ARHGAP20: variants seen among roughly 807,000 people sequenced by gnomAD.
ARHGAP20 encodes the protein rho GTPase-activating protein 20.
In ARHGAP20, 34 loss-of-function variants were observed where a neutral mutation model predicts 73.7. The observed-to-expected ratio is 0.46, with a 90% confidence interval of 0.35 to 0.61. ARHGAP20 has a LOEUF of 0.61. ARHGAP20 is among the 20% of genes least tolerant of loss of function. The pLI is 0.00. For synonymous variants in ARHGAP20, 523 were observed against 518.2 expected (o/e 1.01, Z -0.13); for missense variants, 1,314 against 1,420.9 (o/e 0.92, Z 1.21).
rs760671545 is a variant in ARHGAP20, at chr11:110,579,500, C to A, written c.3446G>T (p.Ser1149Ile). Residue 1149 changes from serine to isoleucine, a missense_variant, in exon 15 of 15, where the codon AGC (serine) becomes ATC (isoleucine). Ser to Ile is a moderately radical substitution (Grantham distance 142). Around this residue, in one of 3 missense-constraint regions of ARHGAP20, gnomAD observed 641 missense variants for 636.9 expected, o/e 1.01. Transcript: ENST00000683387. The stretch of plus-strand genomic sequence containing the variant: ...TTCCCAAGGCAGAGAACCAGAAGAG[C>A]TCTGACTACCAGGCTCTATTTCCTC... The part of the protein sequence containing the change: ...SHEEIEPGSQ[S>I]SSGSLPWERA... The A allele has an allele frequency of 6.2e-7, 1 of 1,614,052 alleles. No homozygotes were observed. Among genetic ancestry groups the A allele is most frequent in the Non-Finnish European group, 8.5e-7 (1 of 1,180,048 alleles).
intron 6 of ARHGAP20, among the ~76,000 whole-genome samples, chr11:110,611,858 A>G (rs1948374399): frequency 6.6e-6 from 1 of 152,188 alleles, no homozygotes; most frequent in African/African-American, 2.4e-5. Flanking sequence ...GGTTAGGTAA[A>G]ATCAGGATAA....
At chr11:110,674,263 C>T (rs889696749) in intron 2 of ARHGAP20, among the ~76,000 whole-genome samples, 1 of 152,164 alleles carries the variant, frequency 6.6e-6, no homozygotes, top group Non-Finnish European at 1.5e-5. Context: ...GATTAAATAT[C>T]TTTATTTGTA....
intron 2 of ARHGAP20, among the ~76,000 whole-genome samples, chr11:110,648,203 A>ATATGTAAATATATATATG (rs1565457391): frequency 3.4e-5 from 3 of 88,612 alleles, no homozygotes; most frequent in African/African-American, 1.9e-4. Context: ...ATATATATAT[A>ATATGTAAATATATATATG]TATGTAAATA....
In ARHGAP20 at chr11:110,579,436, G is replaced by A; in HGVS notation, c.3510C>T (p.Thr1170=). The A allele has an allele frequency of 6.2e-7, 1 of 1,613,918 alleles. No homozygotes were observed. The highest frequency in any genetic ancestry group is 1.3e-5 in the African/African-American group (1 of 75,000). Residue 1170 remains threonine (T), a synonymous_variant, in exon 15 of 15, where the codon ACC becomes ACT. Coordinates refer to ENST00000683387, the MANE Select transcript of ARHGAP20 (RefSeq NM_001384657.1). ...CCACTGTAGGCCCTGAGTCTGGGCT[G>A]GTCGCATCCTCTAGAGTCCAAGAGC... ...SASSWTLEDA[T]SPDSGPTVVC... is the part of the protein sequence containing the mutation.
chr11:110,707,726 G>GT (rs754951840), intron 1 of ARHGAP20, among the ~76,000 whole-genome samples: 2 of 152,056 alleles, frequency 1.3e-5, no homozygotes, highest in Non-Finnish European at 2.9e-5. Flanking sequence ...TAAGCCATAA[G>GT]AGAGTTAAGG....
At chr11:110,600,509 C>T (rs1351863602) in intron 9 of ARHGAP20, among the ~76,000 whole-genome samples, 3 of 152,216 alleles carry the variant, frequency 2.0e-5, no homozygotes, top group Non-Finnish European at 2.9e-5. Context: ...ACACACCCCT[C>T]GCCACTCCAC....
chr11:110,635,386 C>T (rs1285625610), intron 2 of ARHGAP20, among the ~76,000 whole-genome samples: 1 of 152,112 alleles, frequency 6.6e-6, no homozygotes, highest in Non-Finnish European at 1.5e-5. Context: ...TCAGGTGATT[C>T]TAATGCACAT....
At chr11:110,595,196 G>A (rs1228749795) in intron 9 of ARHGAP20, among the ~76,000 whole-genome samples, 2 of 151,930 alleles carry the variant, frequency 1.3e-5, no homozygotes, top group Non-Finnish European at 2.9e-5. Context: ...CATACTGAAT[G>A]GGCAAAAACT....
At chr11:110,642,400 T>C (rs935817448) in intron 2 of ARHGAP20, among the ~76,000 whole-genome samples, 1 of 152,158 alleles carries the variant, frequency 6.6e-6, no homozygotes, top group Non-Finnish European at 1.5e-5. Context: ...CTTTTGTGCA[T>C]TCAGTATGAT....
chr11:110,612,167 C>G (rs1487374275), intron 6 of ARHGAP20, among the ~76,000 whole-genome samples: 3 of 151,930 alleles, frequency 2.0e-5, no homozygotes. Flanking sequence ...GCCTGTAATC[C>G]TAGCACTTTG....
At chr11:110,588,634 G>A (rs1947736532) in intron 11 of ARHGAP20, among the ~76,000 whole-genome samples, 1 of 151,930 alleles carries the variant, frequency 6.6e-6, no homozygotes, top group African/African-American at 2.4e-5. Flanking sequence ...TTTGCCTTTT[G>A]GTTATTTTTG....
At chr11:110,633,896 T>C (rs1948909392) in intron 2 of ARHGAP20, among the ~76,000 whole-genome samples, 1 of 152,126 alleles carries the variant, frequency 6.6e-6, no homozygotes, top group African/African-American at 2.4e-5. Context: ...AGAGATGTCA[T>C]TCAAAGACAG....
intron 1 of ARHGAP20, among the ~76,000 whole-genome samples, chr11:110,698,425 C>T (rs925975764): frequency 1.4e-4 from 22 of 151,860 alleles, no homozygotes; most frequent in African/African-American, 5.3e-4. Context: ...CAGGGAGATA[C>T]TGGTTTCATA....
chr11:110,589,050 C>T (rs1352181931), intron 11 of ARHGAP20, among the ~76,000 whole-genome samples: 2 of 151,902 alleles, frequency 1.3e-5, no homozygotes, highest in African/African-American at 4.8e-5. Context: ...CCAGCCTGGG[C>T]AACAGAGTGA....
chr11:110,582,266 T>C (rs1591291629), intron 14 of ARHGAP20, 55 bp downstream of exon 14: 1 of 1,423,554 alleles, frequency 7.0e-7, no homozygotes, highest in Non-Finnish European at 9.9e-7. Flanking sequence ...CCAGCACGTT[T>C]ACAAACAACC....
chr11:110,700,844 G>GT (rs886983343), intron 1 of ARHGAP20, among the ~76,000 whole-genome samples: 9 of 150,166 alleles, frequency 6.0e-5, no homozygotes, highest in African/African-American at 2.2e-4. Context: ...GCGGTGTTTG[G>GT]TTTTTTGTTC....
intron 7 of ARHGAP20, 33 bp from the exon 8 acceptor site, chr11:110,609,083 A>G (rs1318165214): frequency 6.3e-7 from 1 of 1,588,322 alleles, no homozygotes; most frequent in East Asian, 2.2e-5. Context: ...GTCACAATAA[A>G]TCTTTCACAT....
intron 1 of ARHGAP20, among the ~76,000 whole-genome samples, chr11:110,695,922 C>T (rs1465902693): frequency 1.3e-5 from 2 of 151,488 alleles, no homozygotes; most frequent in Non-Finnish European, 3.0e-5. Context: ...ATCACCAATG[C>T]CAATCAACTG....
intron 9 of ARHGAP20, among the ~76,000 whole-genome samples, chr11:110,601,595 G>A (rs1324325184): frequency 6.6e-6 from 1 of 152,202 alleles, no homozygotes; most frequent in East Asian, 1.9e-4. Flanking sequence ...ACCTCCCTTT[G>A]GATAACTTGT....
Sources: gnomAD v4.1 joint callset for allele counts (sites outside exome capture counted in the v4.1 genomes callset) on GRCh38, gnomAD v4.1.1 for gene constraint, gnomAD v4.1.1 regional missense constraint, MANE v1.5 for transcripts, NCBI Gene and HGNC (gene_info 2026-07-23, HGNC 2026-07-21) for gene names.